MGAT4C: variants seen among roughly 807,000 people sequenced by gnomAD.
MGAT4C encodes the protein alpha-1,3-mannosyl-glycoprotein 4-beta-N-acetylglucosaminyltransferase C.
MGAT4C carries 19 observed loss-of-function variants against 40.1 expected under a neutral mutation model. The ratio of observed to expected loss-of-function variants is 0.47; its 90% confidence interval spans 0.33 to 0.70. The LOEUF (loss-of-function observed/expected upper bound fraction) is 0.70. Among genes scored for constraint, MGAT4C ranks in the 30% least tolerant of loss-of-function variants. The pLI is 0.02. For synonymous variants in MGAT4C, 181 were observed against 187.1 expected, an observed-to-expected ratio of 0.97 and a Z score of 0.27; for missense variants, 491 against 563.2, an observed-to-expected ratio of 0.87 and a Z score of 1.30.
intron 1 of MGAT4C, among the ~76,000 whole-genome samples, chr12:86,743,116 ATGTG>A (rs60215418): frequency 0.019 from 2,794 of 144,458 alleles, 35 homozygotes; most frequent in Middle Eastern, 0.038. Flanking sequence ...GTGTGTATGC[ATGTG>A]TGTGTGTGTG....
chr12:86,783,266 G>T (rs1275673987), intron 1 of MGAT4C, among the ~76,000 whole-genome samples: 4 of 152,024 alleles, frequency 2.6e-5, no homozygotes, highest in Non-Finnish European at 5.9e-5. Context: ...ATTAAACCCA[G>T]AAGGAGTTAC....
intron 1 of MGAT4C, among the ~76,000 whole-genome samples, chr12:86,084,320 C>T (rs954022165): frequency 3.3e-5 from 5 of 151,842 alleles, no homozygotes; most frequent in African/African-American, 9.7e-5. Context: ...AATTAATTTT[C>T]CTGCAGTATA....
chr12:86,678,764 A>G (rs1949917026), intron 2 of MGAT4C, among the ~76,000 whole-genome samples: 3 of 151,912 alleles, frequency 2.0e-5, no homozygotes, highest in Non-Finnish European at 4.4e-5. Flanking sequence ...TGAACTCATC[A>G]TTTTTTATGG....
intron 2 of MGAT4C, among the ~76,000 whole-genome samples, chr12:86,478,783 C>A (rs1049843982): frequency 2.6e-5 from 4 of 151,932 alleles, no homozygotes; most frequent in Non-Finnish European, 5.9e-5. Context: ...TTATTAATAA[C>A]CATTTTAAAG....
chr12:86,582,121 A>G (rs574462066), intron 2 of MGAT4C, among the ~76,000 whole-genome samples: 3 of 151,508 alleles, frequency 2.0e-5, no homozygotes, highest in East Asian at 1.9e-4. Context: ...TATTTTTCTG[A>G]AGCTTCCTAG....
At chr12:86,835,371 T>A (rs111505076) in intron 1 of MGAT4C, among the ~76,000 whole-genome samples, 2 of 152,026 alleles carry the variant, frequency 1.3e-5, no homozygotes, top group Admixed American at 6.6e-5. Flanking sequence ...TTAGCATTTT[T>A]TCAAAGCAGA....
chr12:86,737,508 T>G (rs190570853), intron 1 of MGAT4C, among the ~76,000 whole-genome samples: 1 of 151,544 alleles, frequency 6.6e-6, no homozygotes, highest in Admixed American at 6.6e-5. Context: ...ACTGTATCTC[T>G]ATATTGATTC....
chr12:86,446,658 C>CATGTAT (rs1957340723), intron 2 of MGAT4C, among the ~76,000 whole-genome samples: 1 of 35,320 alleles, frequency 2.8e-5, no homozygotes, highest in Non-Finnish European at 5.6e-5. Flanking sequence ...TCATGTAACT[C>CATGTAT]ATATATATAT....
intron 2 of MGAT4C, among the ~76,000 whole-genome samples, chr12:86,624,853 A>C (rs575913910): frequency 2.0e-5 from 3 of 152,124 alleles, no homozygotes; most frequent in Non-Finnish European, 4.4e-5. Context: ...TTTTTAGAAT[A>C]ATGTAAATCA....
intron 1 of MGAT4C, among the ~76,000 whole-genome samples, chr12:86,143,598 T>TAA: frequency 6.6e-6 from 1 of 152,270 alleles, no homozygotes; most frequent in East Asian, 1.9e-4. Flanking sequence ...AAACAAGACT[T>TAA]CAGGTACTTA....
intron 1 of MGAT4C, among the ~76,000 whole-genome samples, chr12:86,095,385 GTTATC>G (rs1406037883): frequency 1.3e-5 from 2 of 151,830 alleles, no homozygotes; most frequent in Admixed American, 6.6e-5. Flanking sequence ...AGTACATTTT[GTTATC>G]TTATTTTTTA....
chr12:86,574,659 C>A (rs1464786412), intron 2 of MGAT4C, among the ~76,000 whole-genome samples: 1 of 151,682 alleles, frequency 6.6e-6, no homozygotes. Flanking sequence ...ATGCAATTAG[C>A]AATGTATGCT....
At chr12:86,687,742 T>C (rs2136591355) in intron 2 of MGAT4C, among the ~76,000 whole-genome samples, 1 of 152,290 alleles carries the variant, frequency 6.6e-6, no homozygotes, top group East Asian at 1.9e-4. Flanking sequence ...TGAGAAGTGT[T>C]TTACTTCGAA....
At chr12:86,445,086 A>G (rs1416254509) in intron 2 of MGAT4C, among the ~76,000 whole-genome samples, 2 of 152,206 alleles carry the variant, frequency 1.3e-5, no homozygotes, top group East Asian at 3.9e-4. Flanking sequence ...TGTGTGTAAC[A>G]GACGTGTTCA....
chr12:86,103,318 T>A (rs751068211), intron 1 of MGAT4C, among the ~76,000 whole-genome samples: 2 of 152,168 alleles, frequency 1.3e-5, no homozygotes, highest in Non-Finnish European at 2.9e-5. Flanking sequence ...AAGGGAATTA[T>A]CCAGTGGCCC....
chr12:86,158,813 T>C (rs932145471), intron 1 of MGAT4C, among the ~76,000 whole-genome samples: 1 of 152,148 alleles, frequency 6.6e-6, no homozygotes, highest in Non-Finnish European at 1.5e-5. Context: ...TAAGTGGGAT[T>C]CTTTTCTTGA....
At chr12:86,353,255 A>C (rs949008120) in intron 3 of MGAT4C, among the ~76,000 whole-genome samples, 4 of 152,230 alleles carry the variant, frequency 2.6e-5, no homozygotes, top group South Asian at 4.1e-4. Context: ...GAATTGCAGA[A>C]TTGGCTAAGA....
At position 85,970,973 on chromosome 12, in the gene MGAT4C, T is replaced by C. The variant is rs998257676; in HGVS notation, c.*8316A>G. On this transcript the variant is annotated 3_prime_UTR_variant, in exon 5 of 5. Coordinates refer to ENST00000611864, the MANE Select transcript of MGAT4C (RefSeq NM_001351288.2). ...TAAAATGAAAAAGTGGTATGAGGAC[T>C]ATTGTTTGTGTTAAGTGAAATTATA... 2 of 151,256 alleles carry C rather than the reference T, an allele frequency of 1.3e-5. No homozygotes were observed. The highest frequency in any genetic ancestry group is 2.4e-5 in the African/African-American group (1 of 41,368). 9.4% of individuals were successfully genotyped at this position (151,256 alleles called of 1,614,324 possible).
chr12:86,705,812 C>T (rs753209889), intron 2 of MGAT4C, among the ~76,000 whole-genome samples: 119 of 152,072 alleles, frequency 7.8e-4, no homozygotes, highest in Non-Finnish European at 1.2e-3. Flanking sequence ...TAAGATCATA[C>T]TAAGTATTAC....
Sources: gnomAD v4.1 joint callset for allele counts (sites outside exome capture counted in the v4.1 genomes callset) on GRCh38, gnomAD v4.1.1 for gene constraint, MANE v1.5 for transcripts, NCBI Gene and HGNC (gene_info 2026-07-23, HGNC 2026-07-21) for gene names.